The following NKAPL variants were observed in gnomAD, a reference collection of about 807,000 sequenced individuals.
NKAPL encodes NKAP-like protein.
In NKAPL, 7 loss-of-function variants were observed where a neutral mutation model predicts 14.7. The ratio of observed to expected loss-of-function variants is 0.48; its 90% CI spans 0.27 to 0.89. The LOEUF is 0.89. Among genes scored for constraint, NKAPL ranks in the 40% least tolerant of loss-of-function variants. The pLI, the probability that NKAPL is intolerant of heterozygous loss-of-function variation, is 0.12. For synonymous variants in NKAPL, 192 were observed against 179.9 expected, an observed-to-expected ratio of 1.07 and a Z score of -0.54; for missense variants, 466 against 494.1, an observed-to-expected ratio of 0.94 and a Z score of 0.54.
In NKAPL at chr6:28,259,369, C is replaced by T. The variant is rs367613365; in HGVS notation, c.-3C>T. 6.8e-4 allele frequency: 1,070 copies of T among 1,566,274 alleles called. 1 individual carries two copies. Among genetic ancestry groups the T allele is most frequent in the Admixed American group, 2.0e-3 (113 of 56,566 alleles). On this transcript the variant is annotated 5_prime_UTR_variant, in exon 1 of 1. Coordinates refer to ENST00000343684, the MANE Select transcript of NKAPL (RefSeq NM_001007531.3). The stretch of plus-strand genomic sequence containing the variant: ...GCAACCGCCCAGCGTTGAGGCGCGG[C>T]TCATGCCCCCAGTATCCCGGTCCAG...
rs371175653 is a variant in NKAPL at position 28,259,330 on chromosome 6, C to G, written c.-42C>G. ...TGCGTGGCCGCGAATCACCAGCCAG[C>G]CTCTGGGTCTGTAGCAACCGCCCAG... On this transcript the variant is annotated 5_prime_UTR_variant, in exon 1 of 1. Coordinates refer to ENST00000343684, the MANE Select transcript of NKAPL (RefSeq NM_001007531.3). 1 of 1,492,698 alleles carries G rather than the reference C, an allele frequency of 6.7e-7. No individual in the cohort carries two copies. The highest frequency in any genetic ancestry group is 1.4e-5 in the South Asian group (1 of 70,958). The allele number at this position is 1,492,698 out of a possible 1,614,324, so 92.5% of individuals were successfully genotyped here.
Position 28,259,779 on chromosome 6 carries a change from G to A in NKAPL, c.408G>A (p.Val136=), listed in dbSNP as rs1761299787. Residue 136 remains valine (V), a synonymous_variant, in exon 1 of 1, where the codon GTG becomes GTA. Transcript: ENST00000343684. ...TTGGGGAATTGGGAGCGCCTGAAGT[G>A]TGGGGGCCGTCTCCAAAGTTCCCTC... is the stretch of plus-strand genomic sequence containing the variant. ...ERIGELGAPE[V]WGPSPKFPQL... 6 of 1,614,202 alleles carry A rather than the reference G, an allele frequency of 3.7e-6. No homozygotes were observed. Among genetic ancestry groups the A allele is most frequent in the Non-Finnish European group, 5.1e-6 (6 of 1,180,042 alleles).
chr6:28,260,500 A>C lies in NKAPL; in HGVS notation c.1129A>C (p.Arg377=). The change falls in exon 1 of 1, where the codon AGA becomes CGA. Residue 377 remains arginine (R), a synonymous_variant. Coordinates refer to ENST00000343684, the MANE Select transcript of NKAPL (RefSeq NM_001007531.3). The part of the protein sequence containing the change: ...RALASFNQEE[R]RKRESKILAS... ...TCTTGCATCCTTTAACCAAGAAGAGAGACGAAAGAGAGAAAGTAAGATTTT... is the reference window on the plus strand; with the variant it reads ...TCTTGCATCCTTTAACCAAGAAGAGCGACGAAAGAGAGAAAGTAAGATTTT... 1 of 1,614,102 alleles carries C rather than the reference A, an allele frequency of 6.2e-7. No homozygotes were observed. The highest frequency in any genetic ancestry group is 8.5e-7 in the Non-Finnish European group (1 of 1,180,018).
rs1274890140 is a variant in NKAPL, at chr6:28,259,929, G to A, written c.558G>A (p.Lys186=). The change falls in exon 1 of 1, where the codon AAG becomes AAA. Residue 186 remains lysine (K), a synonymous_variant. Transcript: ENST00000343684. Reference sequence around the variant, plus strand: ...AGAAGACCAGTCGTTCAAGAAACAAGAAAAAAAGAAAGAATAAGTCGTCTA... The same window carrying A: ...AGAAGACCAGTCGTTCAAGAAACAAAAAAAAAAGAAAGAATAAGTCGTCTA... The part of the protein sequence containing the change: ...RKKKTSRSRN[K]KKRKNKSSKR... The A allele has an allele frequency of 4.4e-6, 7 of 1,604,412 alleles. No individual in the cohort carries two copies. The Admixed American group carries it at 7.0e-5, about 16-fold the overall frequency.
Position 28,260,886 on chromosome 6 carries a change from A to G in NKAPL, c.*306A>G. The G allele has an allele frequency of 4.1e-6, 1 of 242,496 alleles. No homozygotes were observed. The highest frequency in any genetic ancestry group is 8.6e-6 in the Non-Finnish European group (1 of 116,534). 15.0% of individuals were successfully genotyped at this position (242,496 alleles called of 1,614,324 possible). A position where few individuals can be genotyped will look rare whatever the true frequency, so the allele number is the denominator to read the frequency against. ...TTGGTGTCTTATATACAGAATATAC[A>G]TTCTGTGCATATACAAGAGTATATG... On this transcript the variant is annotated 3_prime_UTR_variant, in exon 1 of 1. Transcript: ENST00000343684.
rs887618000 is a variant in NKAPL at position 28,259,803 on chromosome 6, T to G, written c.432T>G (p.Pro144=). ...PEVWGPSPKF[P]QLDSDEHTPV... is the part of the protein sequence containing the mutation. ...TGTGGGGGCCGTCTCCAAAGTTCCC[T>G]CAGCTAGATTCTGACGAACATACCC... The change falls in exon 1 of 1, where the codon CCT becomes CCG. Residue 144 remains proline (P), a synonymous_variant. Coordinates refer to ENST00000343684, the MANE Select transcript of NKAPL (RefSeq NM_001007531.3). The G allele has an allele frequency of 1.2e-6, 2 of 1,614,012 alleles. No individual in the cohort carries two copies. The highest frequency in any genetic ancestry group is 1.7e-6 in the Non-Finnish European group (2 of 1,180,052).
chr6:28,259,615 G>A lies in NKAPL; in HGVS notation c.244G>A (p.Ala82Thr), dbSNP rs201721118. Residue 82 changes from alanine to threonine, a missense_variant, in exon 1 of 1, where the codon GCC (alanine) becomes ACC (threonine). Transcript: ENST00000343684. ...RGRLPRFRNY[A>T]FASSWSTSYS... ...GCGGCTCCCAAGATTCCGCAACTACGCCTTCGCGTCCTCCTGGTCGACCTC... is the reference window on the plus strand; with the variant it reads ...GCGGCTCCCAAGATTCCGCAACTACACCTTCGCGTCCTCCTGGTCGACCTC... 1 of 1,614,214 alleles carries A rather than the reference G, an allele frequency of 6.2e-7. No individual in the cohort carries two copies. Among genetic ancestry groups the A allele is most frequent in the Admixed American group, 1.7e-5 (1 of 60,030 alleles).
In NKAPL at chr6:28,260,013, T is replaced by C; in HGVS notation, c.642T>C (p.Ser214=). The C allele has an allele frequency of 6.2e-7, 1 of 1,600,248 alleles. No individual in the cohort carries two copies. Among genetic ancestry groups the C allele is most frequent in the African/African-American group, 1.4e-5 (1 of 73,736 alleles). The change falls in exon 1 of 1, where the codon TCT becomes TCC. Residue 214 remains serine, a synonymous_variant. Transcript: ENST00000343684. ...SDSNSESDTN[S]DSDDDKKRVK... The stretch of plus-strand genomic sequence containing the variant: ...GTAACTCAGAGTCTGACACAAATTC[T>C]GACTCTGATGATGATAAAAAGAGAG...
In NKAPL at chr6:28,259,347, ACCG is replaced by A. The variant is rs1232274129; in HGVS notation, c.-22_-20del. The A allele has an allele frequency of 3.3e-6, 5 of 1,529,376 alleles. No individual in the cohort carries two copies. In the African/African-American group the frequency reaches 6.9e-5, roughly 21 times the overall value. 94.7% of individuals were successfully genotyped at this position (1,529,376 alleles called of 1,614,324 possible). ...CCAGCCAGCCTCTGGGTCTGTAGCA[ACCG>A]CCCAGCGTTGAGGCGCGGCTCATGC... On this transcript the variant is annotated 5_prime_UTR_variant, in exon 1 of 1. Coordinates refer to ENST00000343684, the MANE Select transcript of NKAPL (RefSeq NM_001007531.3).
chr6:28,259,707 G>A lies in NKAPL; in HGVS notation c.336G>A (p.Glu112=). 1 of 1,614,248 alleles carries A rather than the reference G, an allele frequency of 6.2e-7. No homozygotes were observed. Among genetic ancestry groups the A allele is most frequent in the Non-Finnish European group, 8.5e-7 (1 of 1,180,044 alleles). ...AACGGCAGTCAGCGGAAGACTACGA[G>A]AAGGAAGAGAGCCATCGGCAGAGGA... ...AEERQSAEDY[E]KEESHRQRRL... Residue 112 remains glutamate (E), a synonymous_variant, in exon 1 of 1, where the codon GAG becomes GAA. Transcript: ENST00000343684.
At position 28,260,564 on chromosome 6, in the gene NKAPL, A is replaced by G. The variant is rs1679709; in HGVS notation, c.1193A>G (p.Glu398Gly). 0.85 allele frequency: 1,371,325 copies of G among 1,611,106 alleles called. 585,158 individuals carry two copies. Among genetic ancestry groups the G allele is most frequent in the Middle Eastern group, 0.92 (5,541 of 6,054 alleles). Reference sequence around the variant, plus strand: ...GAGATGGTGCACAAAAAGACAAAAGAGAAAGATGACAAGTAAGGACTTACT... The same window carrying G: ...GAGATGGTGCACAAAAAGACAAAAGGGAAAGATGACAAGTAAGGACTTACT... Reference protein sequence around the residue: ...FREMVHKKTKEKDDK With the variant: ...FREMVHKKTKGKDDK The change falls in exon 1 of 1, where the codon GAG becomes GGG. Residue 398 changes from glutamate (E) to glycine (G), a missense_variant. By Grantham distance (98) the Glu-to-Gly change is moderately conservative. Transcript: ENST00000343684.
rs754599969 is a variant in NKAPL, at chr6:28,259,596, C to G, written c.225C>G (p.Leu75=). 6.2e-7 allele frequency: 1 copy of G among 1,614,178 alleles called. No individual in the cohort carries two copies. Among genetic ancestry groups the G allele is most frequent in the Non-Finnish European group, 8.5e-7 (1 of 1,179,980 alleles). ...PFSRSGSRGR[L]PRFRNYAFAS... The stretch of plus-strand genomic sequence containing the variant: ...GTCGCTCTGGGTCGCGAGGGCGGCT[C>G]CCAAGATTCCGCAACTACGCCTTCG... The change falls in exon 1 of 1, where the codon CTC becomes CTG. Residue 75 remains leucine (L), a synonymous_variant. Transcript: ENST00000343684.
In NKAPL at chr6:28,259,933, AAAAG is replaced by A. The variant is rs778665473; in HGVS notation, c.569_572del (p.Lys190IlefsTer87). On this transcript the variant is annotated frameshift_variant, in exon 1 of 1. Coordinates refer to ENST00000343684, the MANE Select transcript of NKAPL (RefSeq NM_001007531.3). LOFTEE classifies it low-confidence loss of function (END_TRUNC). ...GACCAGTCGTTCAAGAAACAAGAAAAAAAGAAAGAATAAGTCGTCTAAAAGAAAG... is the reference window on the plus strand; with the variant it reads ...GACCAGTCGTTCAAGAAACAAGAAAAAAAGAATAAGTCGTCTAAAAGAAAG... 1.1e-5 allele frequency: 17 copies of A among 1,609,750 alleles called. No individual in the cohort carries two copies. The highest frequency in any genetic ancestry group is 2.7e-5 in the African/African-American group (2 of 74,312).
At position 28,259,685 on chromosome 6, in the gene NKAPL, G is replaced by A; in HGVS notation, c.314G>A (p.Arg105Gln). The A allele has an allele frequency of 1.2e-6, 2 of 1,614,174 alleles. No individual in the cohort carries two copies. The highest frequency in any genetic ancestry group is 1.7e-6 in the Non-Finnish European group (2 of 1,179,988). The part of the protein sequence containing the change: ...RYHRHCYAEE[R>Q]QSAEDYEKEE... ...CATCGTCACTGCTATGCAGAAGAAC[G>A]GCAGTCAGCGGAAGACTACGAGAAG... is the stretch of plus-strand genomic sequence containing the variant. Residue 105 changes from arginine (R) to glutamine (Q), a missense_variant, in exon 1 of 1, where the codon CGG (arginine) becomes CAG (glutamine). Physicochemically the swap from Arg to Gln is conservative, Grantham distance 43. Coordinates refer to ENST00000343684, the MANE Select transcript of NKAPL (RefSeq NM_001007531.3).
In NKAPL at chr6:28,259,613, A is replaced by G. The variant is rs1761294290; in HGVS notation, c.242A>G (p.Tyr81Cys). 1 of 1,614,084 alleles carries G rather than the reference A, an allele frequency of 6.2e-7. No homozygotes were observed. The highest frequency in any genetic ancestry group is 8.5e-7 in the Non-Finnish European group (1 of 1,180,038). ...GGGCGGCTCCCAAGATTCCGCAACT[A>G]CGCCTTCGCGTCCTCCTGGTCGACC... ...SRGRLPRFRN[Y>C]AFASSWSTSY... is the part of the protein sequence containing the mutation. The change falls in exon 1 of 1, where the codon TAC becomes TGC. Residue 81 changes from tyrosine to cysteine, a missense_variant. Transcript: ENST00000343684.
Position 28,260,410 on chromosome 6 carries a change from C to T in NKAPL, c.1039C>T (p.Arg347Cys), listed in dbSNP as rs768010105. The T allele has an allele frequency of 5.0e-6, 8 of 1,614,004 alleles. No homozygotes were observed. Among genetic ancestry groups the T allele is most frequent in the Admixed American group, 3.3e-5 (2 of 60,000 alleles). ...SGYVMSGSRH[R>C]RMEAVRLRKE... ...TTATGTCATGAGTGGTAGCAGGCATCGCAGAATGGAGGCTGTACGACTGCG... is the reference window on the plus strand; with the variant it reads ...TTATGTCATGAGTGGTAGCAGGCATTGCAGAATGGAGGCTGTACGACTGCG... Residue 347 changes from arginine (R) to cysteine (C), a missense_variant, in exon 1 of 1, where the codon CGC (arginine) becomes TGC (cysteine). By Grantham distance (180) the Arg-to-Cys change is radical. Transcript: ENST00000343684.
Position 28,259,971 on chromosome 6 carries a change from A to G in NKAPL, c.600A>G (p.Lys200=). Residue 200 remains lysine, a synonymous_variant, in exon 1 of 1, where the codon AAA becomes AAG. Coordinates refer to ENST00000343684, the MANE Select transcript of NKAPL (RefSeq NM_001007531.3). The part of the protein sequence containing the change: ...KNKSSKRKHR[K]YSDSDSNSES... ...AGTCGTCTAAAAGAAAGCATAGGAA[A>G]TATTCTGATAGTGACAGTAACTCAG... 2 of 1,608,914 alleles carry G rather than the reference A, an allele frequency of 1.2e-6. No individual in the cohort carries two copies. Among genetic ancestry groups the G allele is most frequent in the Non-Finnish European group, 1.7e-6 (2 of 1,178,804 alleles).
Position 28,260,080 on chromosome 6 carries a change from AAG to A in NKAPL, c.711_712del (p.Lys239GlufsTer3). 6.3e-7 allele frequency: 1 copy of A among 1,578,572 alleles called. No homozygotes were observed. Among genetic ancestry groups the A allele is most frequent in the Non-Finnish European group, 8.5e-7 (1 of 1,170,228 alleles). On this transcript the variant is annotated frameshift_variant, in exon 1 of 1. Coordinates refer to ENST00000343684, the MANE Select transcript of NKAPL (RefSeq NM_001007531.3). LOFTEE classifies it high-confidence loss of function. ...KKKKKKKHKT[K>X]KKKNKKTKKE... is the part of the protein sequence containing the mutation. ...AAAGAAGAAAAAGAAACACAAAACA[AAG>A]AAAAAGAAGAATAAGAAAACCAAAA...
rs760891044 is a variant in NKAPL at position 28,259,391 on chromosome 6, C to T, written c.20C>T (p.Ser7Phe). 3 of 1,588,650 alleles carry T rather than the reference C, an allele frequency of 1.9e-6. No individual in the cohort carries two copies. The South Asian group carries it at 3.4e-5, about 18-fold the overall frequency. Reference protein sequence around the residue: MPPVSRSSYSEDIVGSR... With the variant: MPPVSRFSYSEDIVGSR... Reference sequence around the variant, plus strand: ...CGGCTCATGCCCCCAGTATCCCGGTCCAGCTATTCCGAGGACATCGTGGGC... The same window carrying T: ...CGGCTCATGCCCCCAGTATCCCGGTTCAGCTATTCCGAGGACATCGTGGGC... Residue 7 changes from serine to phenylalanine, a missense_variant, in exon 1 of 1, where the codon TCC (serine) becomes TTC (phenylalanine). Physicochemically the swap from Ser to Phe is radical, Grantham distance 155. Coordinates refer to ENST00000343684, the MANE Select transcript of NKAPL (RefSeq NM_001007531.3).
Sources: gnomAD v4.1 joint callset for allele counts on GRCh38, gnomAD v4.1.1 for gene constraint, MANE v1.5 for transcripts, NCBI Gene and HGNC (gene_info 2026-07-23, HGNC 2026-07-21) for gene names.